Variants in ZBTB40 observed in about 807,000 individuals in gnomAD.
ZBTB40 encodes the protein zinc finger and BTB domain containing 40, also known as zinc finger and BTB domain-containing protein 40.
ZBTB40 carries 60 observed loss-of-function variants against 117.5 expected under a neutral mutation model. That is an observed-to-expected ratio of 0.51 (90% confidence interval 0.41 to 0.63). The LOEUF is 0.63. Ranked by LOEUF, ZBTB40 falls within the 30% of genes least tolerant of loss-of-function variation. The probability of loss-of-function intolerance (pLI) is 0.00; values close to 1 mark genes in which losing one functional copy is unlikely to be tolerated. For synonymous variants in ZBTB40, 525 were observed against 577.1 expected (o/e 0.91, Z 1.29); for missense variants, 1,287 against 1,498.5 (o/e 0.86, Z 2.33).
rs1337370452 is a variant in ZBTB40 at position 22,526,844 on chromosome 1, A to C, written c.*448A>C. On this transcript the variant is annotated 3_prime_UTR_variant, in exon 18 of 18. Transcript: ENST00000375647. The stretch of plus-strand genomic sequence containing the variant: ...GCAAATGCTGCCACTGCCTCTGGCC[A>C]TTTAAAGTGAGAGGGGCACCAACAG... 1 of 279,166 alleles carries C rather than the reference A, an allele frequency of 3.6e-6. No homozygotes were observed. The highest frequency in any genetic ancestry group is 7.0e-6 in the Non-Finnish European group (1 of 142,024). The allele number at this position is 279,166 out of a possible 1,614,324, so 17.3% of individuals were successfully genotyped here.
At chr1:22,468,471 T>C (rs1330541855) in intron 1 of ZBTB40, among the ~76,000 whole-genome samples, 2 of 116,806 alleles carry the variant, frequency 1.7e-5, no homozygotes, top group African/African-American at 3.4e-5. Flanking sequence ...TTTCCTTTTT[T>C]TTTTTTTTTT....
intron 1 of ZBTB40, among the ~76,000 whole-genome samples, chr1:22,476,336 A>T (rs1199941444): frequency 6.6e-6 from 1 of 152,060 alleles, no homozygotes; most frequent in African/African-American, 2.4e-5. Flanking sequence ...CCCCCACCTC[A>T]GCCTCCCGAG....
At chr1:22,441,473 CTTTTTTTTTT>C (rs71020419) in intron 1 of ZBTB40, among the ~76,000 whole-genome samples, 2 of 73,714 alleles carry the variant, frequency 2.7e-5, no homozygotes, top group Non-Finnish European at 4.9e-5. Context: ...TATTTGCTTT[CTTTTTTTTTT>C]TTTTTTTTTT....
intron 1 of ZBTB40, among the ~76,000 whole-genome samples, chr1:22,442,031 GTTGT>G (rs1378061011): frequency 1.3e-5 from 2 of 151,916 alleles, no homozygotes; most frequent in East Asian, 1.9e-4. Flanking sequence ...TGATTCATTG[GTTGT>G]TTAAGAATGC....
chr1:22,445,185 G>A (rs994264883), intron 1 of ZBTB40, among the ~76,000 whole-genome samples: 2 of 152,088 alleles, frequency 1.3e-5, no homozygotes, highest in African/African-American at 4.8e-5. Flanking sequence ...ACTGTAACAC[G>A]TTCAGCCAAT....
rs568944251 is a variant in ZBTB40, at chr1:22,530,603, C to A, written c.*4207C>A. ...CACCCATGGTCAGGACAGTCAGCCA[C>A]TACGTGATGCTGTATAAATTGGATT... On this transcript the variant is annotated 3_prime_UTR_variant, in exon 18 of 18. Transcript: ENST00000375647. 2.0e-5 allele frequency: 3 copies of A among 152,470 alleles called. No homozygotes were observed. The highest frequency in any genetic ancestry group is 7.2e-5 in the African/African-American group (3 of 41,570). The allele number at this position is 152,470 out of a possible 1,614,324, so 9.4% of individuals were successfully genotyped here. A position where few individuals can be genotyped will look rare whatever the true frequency, so the allele number is the denominator to read the frequency against.
chr1:22,530,719 T>A lies in ZBTB40; in HGVS notation c.*4323T>A, dbSNP rs1639806954. Reference sequence around the variant, plus strand: ...TAGGCTACATGAGTTTCAAATGGACTGTGATGTTATAGACCTGCTTTCTCT... The same window carrying A: ...TAGGCTACATGAGTTTCAAATGGACAGTGATGTTATAGACCTGCTTTCTCT... On this transcript the variant is annotated 3_prime_UTR_variant, in exon 18 of 18. Coordinates refer to ENST00000375647, the MANE Select transcript of ZBTB40 (RefSeq NM_014870.4). 6.6e-6 allele frequency: 1 copy of A among 152,350 alleles called. No individual in the cohort carries two copies. The highest frequency in any genetic ancestry group is 2.1e-4 in the South Asian group (1 of 4,832). 9.4% of individuals were successfully genotyped at this position (152,350 alleles called of 1,614,324 possible).
Position 22,513,058 on chromosome 1 carries a change from T to G in ZBTB40, c.2596T>G (p.Cys866Gly). Reference sequence around the variant, plus strand: ...TCACACCGGGGACCGCCCGTTCATGTGCAAGCACTGCCTCATGACCTTCAC... The same window carrying G: ...TCACACCGGGGACCGCCCGTTCATGGGCAAGCACTGCCTCATGACCTTCAC... ...RLHTGDRPFM[C>G]KHCLMTFTQA... is the part of the protein sequence containing the mutation. Residue 866 changes from cysteine (C) to glycine (G), a missense_variant, in exon 12 of 18, where the codon TGC becomes GGC. Transcript: ENST00000375647. This position sits in a 1 kb window ranked among gnomAD's most constrained non-coding sequence, Gnocchi z 4.9. 6.2e-7 allele frequency: 1 copy of G among 1,614,196 alleles called. No homozygotes were observed. Among genetic ancestry groups the G allele is most frequent in the Non-Finnish European group, 8.5e-7 (1 of 1,180,038 alleles).
rs747386202 is a variant in ZBTB40, at chr1:22,477,465, G to A, written c.-69-12415G>A. Among the ~76,000 whole-genome samples, 79 of 151,878 alleles carry A rather than the reference G, an allele frequency of 5.2e-4. 1 individual carries two copies. The highest frequency in any genetic ancestry group is 1.5e-3 in the African/African-American group (60 of 41,338). Reference sequence around the variant, plus strand: ...AGAGATCGAGACCATCCTGGCCAACGTGGTGAAACCCCGTCTCTACTAAAG... The same window carrying A: ...AGAGATCGAGACCATCCTGGCCAACATGGTGAAACCCCGTCTCTACTAAAG... On this transcript the variant is annotated intron_variant, in intron 1 of 17. Coordinates refer to ENST00000375647, the MANE Select transcript of ZBTB40 (RefSeq NM_014870.4).
Position 22,506,094 on chromosome 1 carries a change from G to A in ZBTB40, c.1213G>A (p.Glu405Lys). 6.2e-7 allele frequency: 1 copy of A among 1,614,176 alleles called. No homozygotes were observed. The highest frequency in any genetic ancestry group is 8.5e-7 in the Non-Finnish European group (1 of 1,180,032). Residue 405 changes from glutamate to lysine, a missense_variant, in exon 6 of 18, where the codon GAA (glutamate) becomes AAA (lysine). Around this residue, in one of 2 missense-constraint regions of ZBTB40, gnomAD observed 870 missense variants for 934.4 expected, o/e 0.93. Transcript: ENST00000375647. ...CEGRTPKETI[E>K]NLLHRMTEEK... ...GGGCAGAACACCCAAGGAGACAATA[G>A]AAAATTTGTTGCACAGAATGACTGA...
At chr1:22,518,715 T>TA (rs1185558684) in intron 13 of ZBTB40, among the ~76,000 whole-genome samples, 1 of 152,130 alleles carries the variant, frequency 6.6e-6, no homozygotes, top group Non-Finnish European at 1.5e-5. Context: ...AGGGGGAAAA[T>TA]AAAGTGTGGC....
At position 22,521,750 on chromosome 1, in the gene ZBTB40, G is replaced by A; in HGVS notation, c.3211+92G>A. ...AGAAATCCCCACTTCTAATAGTCTA[G>A]TGTGATGTGCAGTGGTCATTGCCTT... On this transcript the variant is annotated intron_variant, in intron 15 of 17. Transcript: ENST00000375647. 3 of 1,564,614 alleles carry A rather than the reference G, an allele frequency of 1.9e-6. 1 individual carries two copies. Among genetic ancestry groups the A allele is most frequent in the South Asian group, 2.2e-5 (2 of 89,690 alleles).
chr1:22,440,399 G>A (rs1466191674), intron 1 of ZBTB40, among the ~76,000 whole-genome samples: 1 of 152,208 alleles, frequency 6.6e-6, no homozygotes, highest in Non-Finnish European at 1.5e-5. Flanking sequence ...CTATGTGGGA[G>A]GCTGAGGCAA....
intron 1 of ZBTB40, among the ~76,000 whole-genome samples, chr1:22,437,840 C>T (rs1439303048): frequency 6.9e-6 from 1 of 145,446 alleles, no homozygotes; most frequent in Non-Finnish European, 1.5e-5. Flanking sequence ...GAAACCAAAA[C>T]TCTGGTCGGG....
chr1:22,519,679 T>C (rs2124469551), intron 13 of ZBTB40: 6 of 330,286 alleles, frequency 1.8e-5, no homozygotes, highest in South Asian at 1.3e-4. Context: ...GGGAGTGTGC[T>C]GGAAATCCTC....
chr1:22,499,047 C>T (rs548414803), intron 3 of ZBTB40, among the ~76,000 whole-genome samples: 2 of 152,354 alleles, frequency 1.3e-5, no homozygotes, highest in Admixed American at 6.5e-5. Flanking sequence ...CAACTGAATT[C>T]TCTGGCTCAG....
At chr1:22,496,527 G>A (rs899063080) in intron 3 of ZBTB40, among the ~76,000 whole-genome samples, 1 of 152,210 alleles carries the variant, frequency 6.6e-6, no homozygotes, top group Non-Finnish European at 1.5e-5. Flanking sequence ...CCTTTCCAGC[G>A]CTGGGCTTCT....
intron 3 of ZBTB40, among the ~76,000 whole-genome samples, chr1:22,496,119 T>C (rs1638767834): frequency 6.6e-6 from 1 of 152,134 alleles, no homozygotes; most frequent in Non-Finnish European, 1.5e-5. Flanking sequence ...TGAGACACAG[T>C]GGATGATTTT....
intron 1 of ZBTB40, among the ~76,000 whole-genome samples, chr1:22,452,393 C>T (rs528729892): frequency 6.6e-6 from 1 of 152,376 alleles, no homozygotes; most frequent in Non-Finnish European, 1.5e-5. Context: ...GGGCCTAATC[C>T]ATGCCCCCCT....
Sources: allele counts gnomAD v4.1 joint callset (sites outside exome capture counted in the v4.1 genomes callset), GRCh38; gene constraint gnomAD v4.1.1; regional missense constraint gnomAD v4.1.1; non-coding constraint Gnocchi (gnomAD v3.1); transcripts MANE v1.5; gene names NCBI Gene and HGNC (gene_info 2026-07-23, HGNC 2026-07-21).